The following PBX1 variants were observed in gnomAD, a reference collection of about 807,000 sequenced individuals.
PBX1 encodes the protein PBX homeobox 1.
PBX1 carries 6 observed loss-of-function variants against 53.4 expected under a neutral mutation model. The observed-to-expected ratio is 0.11, with a 90% CI of 0.06 to 0.22. The LOEUF is 0.22. Ranked by LOEUF, PBX1 falls within the 10% of genes least tolerant of loss-of-function variation. PBX1 has a pLI of 1.00. For synonymous variants in PBX1, 204 were observed against 212.3 expected, an observed-to-expected ratio of 0.96 and a Z score of 0.34; for missense variants, 251 against 551.4, an observed-to-expected ratio of 0.46 and a Z score of 5.46.
chr1:164,872,210 A>C (rs967492570), intron 2 of PBX1, among the ~76,000 whole-genome samples: 2 of 152,222 alleles, frequency 1.3e-5, no homozygotes, highest in Non-Finnish European at 2.9e-5. Context: ...AATTCTTCAC[A>C]GGCAATCCTG....
intron 2 of PBX1, among the ~76,000 whole-genome samples, chr1:164,667,829 T>C (rs74117965): frequency 0.033 from 5,066 of 152,122 alleles, 122 homozygotes; most frequent in Admixed American, 0.057. Flanking sequence ...TTCCCAGAGG[T>C]CTCAGGACAA....
chr1:164,756,058 CTAGCTGGCAT>C (rs1666502148), intron 2 of PBX1, among the ~76,000 whole-genome samples: 1 of 151,764 alleles, frequency 6.6e-6, no homozygotes, highest in Non-Finnish European at 1.5e-5. Context: ...CTGCACAGAG[CTAGCTGGCAT>C]ACAATTAATA....
At chr1:164,595,291 A>G (rs1260591760) in intron 2 of PBX1, among the ~76,000 whole-genome samples, 1 of 152,124 alleles carries the variant, frequency 6.6e-6, no homozygotes, top group East Asian at 1.9e-4. Context: ...CTCCCTAAAA[A>G]TCCGTGGAAG....
intron 2 of PBX1, among the ~76,000 whole-genome samples, chr1:164,758,503 G>T (rs1666641400): frequency 6.6e-6 from 1 of 152,052 alleles, no homozygotes; most frequent in Admixed American, 6.6e-5. Flanking sequence ...CCTGCCTAAT[G>T]GTCCCCAGCA....
intron 2 of PBX1, among the ~76,000 whole-genome samples, chr1:164,632,227 C>G (rs1314041695): frequency 1.3e-5 from 2 of 152,202 alleles, no homozygotes; most frequent in African/African-American, 4.8e-5. Flanking sequence ...TAATAGCCCT[C>G]ACAGCACCTC....
intron 2 of PBX1, among the ~76,000 whole-genome samples, chr1:164,764,807 T>G (rs916545961): frequency 1.3e-5 from 2 of 152,136 alleles, no homozygotes; most frequent in Non-Finnish European, 2.9e-5. Flanking sequence ...CACAACCCTA[T>G]AGGAAATGTA....
chr1:164,619,420 GACTT>G (rs754579034), intron 2 of PBX1, among the ~76,000 whole-genome samples: 51 of 152,202 alleles, frequency 3.4e-4, no homozygotes, highest in Middle Eastern at 3.4e-3. Context: ...TCAAGCAGCT[GACTT>G]ACTTACTGGG....
intron 2 of PBX1, chr1:164,770,937 C>G (rs962486688): frequency 6.6e-6 from 1 of 152,068 alleles, no homozygotes; most frequent in African/African-American, 2.4e-5. Context: ...AATTTAAAGT[C>G]AGCATTCTCC....
At chr1:164,663,236 T>TCCTTCCTG (rs1203728006) in intron 2 of PBX1, among the ~76,000 whole-genome samples, 14 of 141,784 alleles carry the variant, frequency 9.9e-5, no homozygotes, top group East Asian at 8.4e-4. Flanking sequence ...CTGCCTTCCT[T>TCCTTCCTG]CCTTCCTGCC....
chr1:164,836,728 C>T (rs1347291225), intron 8 of PBX1, among the ~76,000 whole-genome samples: 1 of 152,168 alleles, frequency 6.6e-6, no homozygotes, highest in East Asian at 1.9e-4. Context: ...ACCCTGCAAA[C>T]ACTAAATGGC....
chr1:164,877,781 A>G (rs1177212312), intron 2 of PBX1, among the ~76,000 whole-genome samples: 1 of 152,230 alleles, frequency 6.6e-6, no homozygotes, highest in African/African-American at 2.4e-5. Context: ...GTAAGTTTTG[A>G]CATACATATA....
At chr1:164,597,880 G>A (rs1655880600) in intron 2 of PBX1, among the ~76,000 whole-genome samples, 1 of 152,036 alleles carries the variant, frequency 6.6e-6, no homozygotes, top group South Asian at 2.1e-4. Flanking sequence ...TTTCTGGAGA[G>A]TTCCCCAATT....
At chr1:164,773,731 G>A (rs1443966657) in intron 2 of PBX1, among the ~76,000 whole-genome samples, 1 of 152,190 alleles carries the variant, frequency 6.6e-6, no homozygotes, top group Non-Finnish European at 1.5e-5. Flanking sequence ...CTCTAGAGGG[G>A]ATTCATGATG....
chr1:164,735,359 A>G (rs1199942935), intron 2 of PBX1, among the ~76,000 whole-genome samples: 1 of 152,194 alleles, frequency 6.6e-6, no homozygotes, highest in African/African-American at 2.4e-5. Flanking sequence ...GTAAGTATAG[A>G]TTGGTATTGG....
chr1:164,780,360 A>C (rs564858244), intron 2 of PBX1, among the ~76,000 whole-genome samples: 15 of 152,310 alleles, frequency 9.8e-5, no homozygotes, highest in African/African-American at 3.6e-4. Context: ...GATAAGTTGC[A>C]ATCATTTACT....
At chr1:164,712,338 C>G (rs1663843586) in intron 2 of PBX1, among the ~76,000 whole-genome samples, 1 of 152,170 alleles carries the variant, frequency 6.6e-6, no homozygotes, top group Non-Finnish European at 1.5e-5. Context: ...CCGGATTATT[C>G]TGTTCGGGAA....
chr1:164,708,923 T>C (rs1490430358), intron 2 of PBX1, among the ~76,000 whole-genome samples: 1 of 152,224 alleles, frequency 6.6e-6, no homozygotes, highest in African/African-American at 2.4e-5. Context: ...GCACTACTTA[T>C]TGAGTGCTGA....
At chr1:164,622,445 G>T (rs1331507502) in intron 2 of PBX1, among the ~76,000 whole-genome samples, 1 of 152,268 alleles carries the variant, frequency 6.6e-6, no homozygotes, top group East Asian at 1.9e-4. Context: ...GATGAGTGAG[G>T]TTCTCCTGAT....
Position 164,848,166 on chromosome 1 carries a change from T to C in PBX1, c.*1490T>C. On this transcript the variant is annotated 3_prime_UTR_variant, in exon 9 of 9. Transcript: ENST00000420696. The stretch of plus-strand genomic sequence containing the variant: ...AATGTTTTCATTGAAATCATCACAG[T>C]GATTTTTATTCCCTGGGAACACAGC... The C allele has an allele frequency of 9.5e-6, 10 of 1,049,700 alleles. No homozygotes were observed. The highest frequency in any genetic ancestry group is 1.2e-5 in the Non-Finnish European group (10 of 869,496). The allele number at this position is 1,049,700 out of a possible 1,614,324, so 65.0% of individuals were successfully genotyped here.
Sources: allele counts gnomAD v4.1 joint callset (sites outside exome capture counted in the v4.1 genomes callset), GRCh38; gene constraint gnomAD v4.1.1; transcripts MANE v1.5; gene names NCBI Gene and HGNC (gene_info 2026-07-23, HGNC 2026-07-21).